The following PCDHA3 variants were observed in gnomAD, a reference collection of about 807,000 sequenced individuals.
The protein encoded by PCDHA3 is protocadherin alpha 3.
PCDHA3 carries 41 observed loss-of-function variants against 62.2 expected under a neutral mutation model. The ratio of observed to expected loss-of-function variants is 0.66; its 90% confidence interval spans 0.51 to 0.86. The LOEUF (loss-of-function observed/expected upper bound fraction) is 0.86. Ranked by LOEUF, PCDHA3 falls within the 40% of genes least tolerant of loss-of-function variation. The probability of loss-of-function intolerance (pLI) is 0.00; values close to 1 mark genes in which losing one functional copy is unlikely to be tolerated. For synonymous variants in PCDHA3, 640 were observed against 555.4 expected (o/e 1.15, Z -2.14); for missense variants, 1,304 against 1,241.2 (o/e 1.05, Z -0.76).
chr5:140,803,193 C>A lies in PCDHA3; in HGVS notation c.1996C>A (p.Leu666Met). The part of the protein sequence containing the change: ...EPSLTATATV[L>M]VSLVESGQAP... Reference sequence around the variant, plus strand: ...CTCATTGACCGCCACGGCCACTGTGCTGGTGTCGCTGGTGGAGAGTGGCCA... The same window carrying A: ...CTCATTGACCGCCACGGCCACTGTGATGGTGTCGCTGGTGGAGAGTGGCCA... The change falls in exon 1 of 4, where the codon CTG (leucine) becomes ATG (methionine). Residue 666 changes from leucine to methionine, a missense_variant. Leu to Met is a conservative substitution (Grantham distance 15). Transcript: ENST00000522353. 1.2e-6 allele frequency: 2 copies of A among 1,613,904 alleles called. No homozygotes were observed. The highest frequency in any genetic ancestry group is 1.7e-6 in the Non-Finnish European group (2 of 1,179,944).
chr5:140,957,438 A>T (rs1554222966), intron 1 of PCDHA3, among the ~76,000 whole-genome samples: 1 of 152,216 alleles, frequency 6.6e-6, no homozygotes, highest in Non-Finnish European at 1.5e-5. Context: ...TGCCTAATTT[A>T]TAAATCACAC....
At chr5:140,822,269 C>T in intron 1 of PCDHA3, 2 of 1,614,196 alleles carry the variant, frequency 1.2e-6, no homozygotes, top group Non-Finnish European at 1.7e-6. Context: ...GGAGCAAATG[C>T]ACAATTGAGA....
At chr5:140,927,236 T>A in intron 1 of PCDHA3, 3 of 1,614,120 alleles carry the variant, frequency 1.9e-6, no homozygotes, top group Non-Finnish European at 2.5e-6. Context: ...ATTCACGTCC[T>A]GGACACCAAT....
In PCDHA3 at chr5:140,871,291, G is replaced by T. The variant is rs2052917819; in HGVS notation, c.2394+67700G>T. 3 of 1,613,906 alleles carry T rather than the reference G, an allele frequency of 1.9e-6. No individual in the cohort carries two copies. Among genetic ancestry groups the T allele is most frequent in the African/African-American group, 2.7e-5 (2 of 75,070 alleles). ...GTGGTCGGCAACGCCCACTGAGGGC[G>T]CGTGCGCGCCGGGGAAGCCCACGCT... On this transcript the variant is annotated intron_variant, in intron 1 of 3. Transcript: ENST00000522353.
At chr5:140,925,124 A>AGGAAGGAAGGAAGG (rs1554202565) in intron 1 of PCDHA3, among the ~76,000 whole-genome samples, 2 of 151,856 alleles carry the variant, frequency 1.3e-5, no homozygotes, top group African/African-American at 2.4e-5. Context: ...GAAGGAAGGA[A>AGGAAGGAAGGAAGG]AAAAAATTTC....
intron 1 of PCDHA3, among the ~76,000 whole-genome samples, chr5:140,972,921 C>A (rs2096564401): frequency 6.6e-6 from 1 of 152,090 alleles, no homozygotes; most frequent in Non-Finnish European, 1.5e-5. Context: ...CTTGGCCTCC[C>A]AAAGTGCTGG....
intron 1 of PCDHA3, chr5:140,809,198 GA>G: frequency 6.2e-7 from 1 of 1,614,074 alleles, no homozygotes; most frequent in Non-Finnish European, 8.5e-7. Flanking sequence ...GTCACTTGTG[GA>G]GAGTGGACAG....
intron 1 of PCDHA3, among the ~76,000 whole-genome samples, chr5:140,916,217 A>T (rs1050976167): frequency 6.6e-6 from 1 of 152,132 alleles, no homozygotes; most frequent in Non-Finnish European, 1.5e-5. Context: ...GGAAGATCCA[A>T]ATATGCTTTC....
chr5:140,925,503 C>T (rs1210013790), intron 1 of PCDHA3, among the ~76,000 whole-genome samples: 1 of 151,978 alleles, frequency 6.6e-6, no homozygotes, highest in Non-Finnish European at 1.5e-5. Context: ...TCCCAATATC[C>T]ACGCAAAAGA....
rs777744369 is a variant in PCDHA3, at chr5:140,803,545, G to A, written c.2348G>A (p.Arg783Gln). ...AGCCTTCCTCCTTGTCCAATTAGCCGGGATAGAGAGGAGAAACAGGATGTG... is the reference window on the plus strand; with the variant it reads ...AGCCTTCCTCCTTGTCCAATTAGCCAGGATAGAGAGGAGAAACAGGATGTG... ...SPSLPPCPIS[R>Q]DREEKQDVDV... is the part of the protein sequence containing the mutation. Residue 783 changes from arginine to glutamine, a missense_variant, in exon 1 of 4, where the codon CGG (arginine) becomes CAG (glutamine). Physicochemically the swap from Arg to Gln is conservative, Grantham distance 43. Coordinates refer to ENST00000522353, the MANE Select transcript of PCDHA3 (RefSeq NM_018906.3). 120 of 1,614,176 alleles carry A rather than the reference G, an allele frequency of 7.4e-5. No homozygotes were observed. Among genetic ancestry groups the A allele is most frequent in the Non-Finnish European group, 9.8e-5 (116 of 1,180,020 alleles).
At chr5:140,947,238 A>G (rs1252869330) in intron 1 of PCDHA3, among the ~76,000 whole-genome samples, 2 of 151,618 alleles carry the variant, frequency 1.3e-5, no homozygotes, top group Non-Finnish European at 3.0e-5. Flanking sequence ...GGAAAAAAAA[A>G]TAAGATAATC....
intron 3 of PCDHA3, among the ~76,000 whole-genome samples, chr5:140,985,090 A>C (rs1214396432): frequency 6.6e-6 from 1 of 152,076 alleles, no homozygotes; most frequent in Non-Finnish European, 1.5e-5. Context: ...GGCGTGTGCC[A>C]CCAAGCCTGG....
At position 140,858,191 on chromosome 5, in the gene PCDHA3, C is replaced by T. The variant is rs782250673; in HGVS notation, c.2394+54600C>T. On this transcript the variant is annotated intron_variant, in intron 1 of 3. Transcript: ENST00000522353. ...CAGCTTGCTGGTGCTCACGCTGCTG[C>T]TGTACACTGCACTGAGGTGCTCGGC... 16 of 1,597,324 alleles carry T rather than the reference C, an allele frequency of 1.0e-5. 2 individuals carry two copies. In the Admixed American group the frequency reaches 2.7e-4, roughly 27 times the overall value.
chr5:140,914,262 G>A (rs1583899691), intron 1 of PCDHA3, among the ~76,000 whole-genome samples: 1 of 152,008 alleles, frequency 6.6e-6, no homozygotes, highest in Non-Finnish European at 1.5e-5. Flanking sequence ...CTTCAATGGT[G>A]GGTGCATATA....
chr5:140,870,722 G>C (rs1554164638), intron 1 of PCDHA3: 20 of 1,613,222 alleles, frequency 1.2e-5, no homozygotes, highest in Non-Finnish European at 1.4e-5. Context: ...CGCGATGCGG[G>C]CGTGCCGCCT....
rs185481644 is a variant in PCDHA3, at chr5:140,906,049, T to C, written c.2395-72900T>C. 1.7e-3 allele frequency among the ~76,000 whole-genome samples: 263 copies of C among 152,304 alleles called. 2 individuals are homozygous for C. Among genetic ancestry groups the C allele is most frequent in the African/African-American group, 5.9e-3 (247 of 41,562 alleles). ...TTCTTCTGTCTGCTTTTATTCTGGC[T>C]GCACTGGCAGCTGATTAGATCGCAC... On this transcript the variant is annotated intron_variant, in intron 1 of 3. Transcript: ENST00000522353.
intron 1 of PCDHA3, among the ~76,000 whole-genome samples, chr5:140,908,266 C>T (rs1281456045): frequency 1.3e-5 from 2 of 152,144 alleles, no homozygotes; most frequent in African/African-American, 4.8e-5. Context: ...AGGGAACTCC[C>T]CATGAGGCCA....
intron 1 of PCDHA3, among the ~76,000 whole-genome samples, chr5:140,962,961 T>C (rs1483172996): frequency 1.3e-5 from 2 of 152,148 alleles, no homozygotes; most frequent in African/African-American, 4.8e-5. Flanking sequence ...TCTATCCCTA[T>C]ATAGGAAATT....
intron 1 of PCDHA3, among the ~76,000 whole-genome samples, chr5:140,895,558 A>G (rs1449174455): frequency 6.6e-6 from 1 of 152,154 alleles, no homozygotes; most frequent in Non-Finnish European, 1.5e-5. Context: ...AGTTCTTTAT[A>G]TATTCTAGAT....
Sources: gnomAD v4.1 joint callset for allele counts (sites outside exome capture counted in the v4.1 genomes callset) on GRCh38, gnomAD v4.1.1 for gene constraint, MANE v1.5 for transcripts, NCBI Gene and HGNC (gene_info 2026-07-23, HGNC 2026-07-21) for gene names.